AFAP1L2: variants seen among roughly 807,000 people sequenced by gnomAD.
AFAP1L2 encodes the protein actin filament associated protein 1 like 2, also known as actin filament-associated protein 1-like 2.
A neutral mutation model predicts 99.3 loss-of-function variants in AFAP1L2; 46 were observed. The observed-to-expected ratio is 0.46, with a 90% CI of 0.37 to 0.59. The LOEUF (loss-of-function observed/expected upper bound fraction) is 0.59. Among genes scored for constraint, AFAP1L2 ranks in the 20% least tolerant of loss-of-function variants. The pLI is 0.00. For missense variants in AFAP1L2, 959 were observed against 1,034.9 expected (o/e 0.93, Z 1.01); for synonymous variants, 397 against 419.1 (o/e 0.95, Z 0.64).
rs762554544 is a variant in AFAP1L2, at chr10:114,295,558, T to C, written c.*484A>G. On this transcript the variant is annotated 3_prime_UTR_variant, in exon 19 of 19. Coordinates refer to ENST00000304129, the MANE Select transcript of AFAP1L2 (RefSeq NM_001001936.3). Reference sequence around the variant, plus strand: ...GAAGACTGAGTTGGGCCTGGTAATATTGGAGAGAACTGAAGGCAAGGATGG... The same window carrying C: ...GAAGACTGAGTTGGGCCTGGTAATACTGGAGAGAACTGAAGGCAAGGATGG... 3 of 986,156 alleles carry C rather than the reference T, an allele frequency of 3.0e-6. No individual in the cohort carries two copies. Among genetic ancestry groups the C allele is most frequent in the Non-Finnish European group, 2.4e-6 (2 of 830,600 alleles). The allele number at this position is 986,156 out of a possible 1,614,324, so 61.1% of individuals were successfully genotyped here.
At chr10:114,345,563 C>A (rs1590366267) in intron 1 of AFAP1L2, among the ~76,000 whole-genome samples, 1 of 152,170 alleles carries the variant, frequency 6.6e-6, no homozygotes, top group East Asian at 1.9e-4. Flanking sequence ...AACCACCCTG[C>A]AAGTGCACAG....
intron 7 of AFAP1L2, among the ~76,000 whole-genome samples, chr10:114,312,821 A>G (rs558917535): frequency 4.6e-5 from 7 of 152,308 alleles, no homozygotes; most frequent in East Asian, 3.9e-4. Flanking sequence ...AGATTTTGCA[A>G]TAAAGATGGG....
At chr10:114,332,019 C>T (rs1394994303) in intron 3 of AFAP1L2, 122 bp from the exon 4 acceptor site, 19 of 584,248 alleles carry the variant, frequency 3.3e-5, no homozygotes, top group Middle Eastern at 5.0e-4. Context: ...TGTTAATTAC[C>T]CAGGCAGGCG....
intron 15 of AFAP1L2, 113 bp downstream of exon 15, chr10:114,300,081 A>G (rs1438375426): frequency 3.5e-6 from 5 of 1,439,806 alleles, no homozygotes; most frequent in Non-Finnish European, 4.7e-6. Context: ...GTGTGAGTCA[A>G]TTCTCCTTAA....
At chr10:114,360,550 TAGA>T (rs1564979180) in intron 1 of AFAP1L2, among the ~76,000 whole-genome samples, 3 of 142,410 alleles carry the variant, frequency 2.1e-5, no homozygotes, top group African/African-American at 5.8e-5. Context: ...GATAGATAGA[TAGA>T]TAGATAGATA....
chr10:114,363,688 C>G (rs1367290254), intron 1 of AFAP1L2, among the ~76,000 whole-genome samples: 1 of 152,078 alleles, frequency 6.6e-6, no homozygotes, highest in East Asian at 1.9e-4. Flanking sequence ...CACTGCTCAC[C>G]CACCACCTCT....
chr10:114,393,222 C>T (rs1459190089), intron 1 of AFAP1L2, among the ~76,000 whole-genome samples: 1 of 152,098 alleles, frequency 6.6e-6, no homozygotes, highest in East Asian at 1.9e-4. Flanking sequence ...TAACTAAGTG[C>T]CCCAAAGCCA....
upstream of AFAP1L2, chr10:114,404,788 G>A (rs1480751853): frequency 1.5e-5 from 4 of 275,844 alleles, no homozygotes; most frequent in African/African-American, 2.2e-5. Flanking sequence ...GGGGCGTCGA[G>A]AGGGAACGAG....
At chr10:114,337,415 A>G (rs544154783) in intron 2 of AFAP1L2, among the ~76,000 whole-genome samples, 1 of 152,370 alleles carries the variant, frequency 6.6e-6, no homozygotes, top group South Asian at 2.1e-4. Context: ...AAGGGGTACA[A>G]AGAGGACCAG....
intron 2 of AFAP1L2, among the ~76,000 whole-genome samples, chr10:114,339,882 G>C (rs2048533669): frequency 6.6e-6 from 1 of 151,734 alleles, no homozygotes; most frequent in Non-Finnish European, 1.5e-5. Context: ...ATGGTGGTGG[G>C]CGCCTGTAAT....
Position 114,297,102 on chromosome 10 carries a change from T to C in AFAP1L2, c.2308-2A>G. The C allele has an allele frequency of 6.2e-7, 1 of 1,614,064 alleles. No individual in the cohort carries two copies. The highest frequency in any genetic ancestry group is 8.5e-7 in the Non-Finnish European group (1 of 1,179,982). On this transcript the variant is annotated splice_acceptor_variant, in intron 17 of 18. Coordinates refer to ENST00000304129, the MANE Select transcript of AFAP1L2 (RefSeq NM_001001936.3). LOFTEE classifies it high-confidence loss of function. The stretch of plus-strand genomic sequence containing the variant: ...AGAGGCAGGTGTGACAGCTTTGGGC[T>C]GTGGTTATAGGAGGAGAGCAAGGGC...
chr10:114,349,188 G>A (rs1448240864), intron 1 of AFAP1L2, among the ~76,000 whole-genome samples: 1 of 151,704 alleles, frequency 6.6e-6, no homozygotes, highest in Admixed American at 6.6e-5. Flanking sequence ...GACCAGCCCG[G>A]CCAACATGGC....
At chr10:114,355,228 C>T (rs1009897513) in intron 1 of AFAP1L2, among the ~76,000 whole-genome samples, 2 of 150,912 alleles carry the variant, frequency 1.3e-5, no homozygotes, top group South Asian at 2.1e-4. Flanking sequence ...TTGCCTCCCC[C>T]ACAGAAGCCT....
intron 3 of AFAP1L2, 92 bp from the exon 4 acceptor site, chr10:114,331,989 G>C (rs1435206397): frequency 1.5e-5 from 13 of 842,208 alleles, no homozygotes; most frequent in Non-Finnish European, 6.5e-6. Context: ...CATGCACCCT[G>C]TGAGTTCTTT....
chr10:114,330,231 C>A (rs1055589283), intron 4 of AFAP1L2, among the ~76,000 whole-genome samples: 10 of 152,288 alleles, frequency 6.6e-5, no homozygotes, highest in African/African-American at 2.4e-4. Flanking sequence ...ATGAAGGGGC[C>A]AGTCCAGAGC....
chr10:114,296,770 T>A, intron 18 of AFAP1L2: 1 of 694,066 alleles, frequency 1.4e-6, no homozygotes, highest in Non-Finnish European at 2.3e-6. Context: ...GGAAGGATGC[T>A]CGAACCAAGT....
downstream of AFAP1L2, chr10:114,291,237 A>AG: frequency 6.4e-7 from 1 of 1,550,388 alleles, no homozygotes; most frequent in Non-Finnish European, 8.7e-7. Context: ...GACGCCCCTG[A>AG]GGCACATGGC....
At chr10:114,360,521 A>ATAGT (rs1554937766) in intron 1 of AFAP1L2, among the ~76,000 whole-genome samples, 14 of 145,904 alleles carry the variant, frequency 9.6e-5, no homozygotes, top group African/African-American at 2.5e-4. Flanking sequence ...AGATAGATAG[A>ATAGT]TAGATAGATA....
At chr10:114,379,235 C>A (rs2055255183) in intron 1 of AFAP1L2, among the ~76,000 whole-genome samples, 1 of 149,792 alleles carries the variant, frequency 6.7e-6, no homozygotes, top group African/African-American at 2.4e-5. Flanking sequence ...AAGGAATAAA[C>A]TGGTTATCAC....
Sources: gnomAD v4.1 joint callset for allele counts (sites outside exome capture counted in the v4.1 genomes callset) on GRCh38, gnomAD v4.1.1 for gene constraint, MANE v1.5 for transcripts, NCBI Gene and HGNC (gene_info 2026-07-23, HGNC 2026-07-21) for gene names.